The following ZNF385B variants were observed in gnomAD, a reference collection of about 807,000 sequenced individuals.
ZNF385B encodes zinc finger protein 385B.
In ZNF385B, 23 loss-of-function variants were observed where a neutral mutation model predicts 39.2. The ratio of observed to expected loss-of-function variants is 0.59; its 90% CI spans 0.42 to 0.83. The LOEUF is 0.83. Among genes scored for constraint, ZNF385B ranks in the 40% least tolerant of loss-of-function variants. The probability of loss-of-function intolerance (pLI) is 0.00; values close to 1 mark genes in which losing one functional copy is unlikely to be tolerated. For synonymous variants in ZNF385B, 205 were observed against 222.6 expected, an observed-to-expected ratio of 0.92 and a Z score of 0.70; for missense variants, 552 against 598.9, an observed-to-expected ratio of 0.92 and a Z score of 0.82.
intron 1 of ZNF385B, among the ~76,000 whole-genome samples, chr2:179,846,593 C>T (rs1328606883): frequency 6.6e-6 from 1 of 152,180 alleles, no homozygotes; most frequent in Non-Finnish European, 1.5e-5. Context: ...GGCATGCTTC[C>T]CCTCTACAGG....
At chr2:179,450,868 A>G (rs2105583119) in intron 6 of ZNF385B, among the ~76,000 whole-genome samples, 1 of 152,268 alleles carries the variant, frequency 6.6e-6, no homozygotes, top group East Asian at 1.9e-4. Flanking sequence ...CAACAATGAT[A>G]GACTGGATTA....
intron 3 of ZNF385B, among the ~76,000 whole-genome samples, chr2:179,592,905 T>C (rs924128121): frequency 2.0e-5 from 3 of 152,166 alleles, no homozygotes; most frequent in Admixed American, 1.3e-4. Flanking sequence ...AAGTACATTA[T>C]AAGGGAATGT....
At chr2:179,618,575 T>C (rs1023248241) in intron 3 of ZNF385B, among the ~76,000 whole-genome samples, 1 of 152,204 alleles carries the variant, frequency 6.6e-6, no homozygotes, top group Admixed American at 6.5e-5. Context: ...TTTTTCATTT[T>C]GCCATCTTCC....
chr2:179,838,596 A>C (rs1448954759), intron 1 of ZNF385B, among the ~76,000 whole-genome samples: 4 of 152,184 alleles, frequency 2.6e-5, no homozygotes, highest in African/African-American at 9.7e-5. Flanking sequence ...GCCATTTCCA[A>C]AACAAGATTC....
At chr2:179,736,609 T>C (rs1377897003) in intron 3 of ZNF385B, among the ~76,000 whole-genome samples, 1 of 152,210 alleles carries the variant, frequency 6.6e-6, no homozygotes, top group Admixed American at 6.5e-5. Flanking sequence ...AAGCTACTTC[T>C]TGAGCTTTTA....
intron 3 of ZNF385B, among the ~76,000 whole-genome samples, chr2:179,750,501 A>T (rs541462512): frequency 7.1e-4 from 108 of 152,246 alleles, no homozygotes; most frequent in African/African-American, 2.5e-3. Flanking sequence ...AAGTACTACA[A>T]GTGAGAGACA....
At chr2:179,801,787 C>T (rs1201945973) in intron 1 of ZNF385B, among the ~76,000 whole-genome samples, 1 of 152,090 alleles carries the variant, frequency 6.6e-6, no homozygotes, top group African/African-American at 2.4e-5. Context: ...AATCACAGCA[C>T]TGTGGAGGAA....
At chr2:179,670,477 G>A (rs986437128) in intron 3 of ZNF385B, among the ~76,000 whole-genome samples, 6 of 82,524 alleles carry the variant, frequency 7.3e-5, no homozygotes, top group Non-Finnish European at 1.2e-4. Flanking sequence ...GCAGTAGAAC[G>A]TAAAAACAAA....
At chr2:179,801,006 G>T (rs1396570905) in intron 1 of ZNF385B, among the ~76,000 whole-genome samples, 3 of 151,898 alleles carry the variant, frequency 2.0e-5, no homozygotes, top group Admixed American at 2.0e-4. Context: ...GTCACCTCAG[G>T]GTTGGTATGT....
intron 3 of ZNF385B, among the ~76,000 whole-genome samples, chr2:179,707,104 G>T (rs1236005851): frequency 6.6e-6 from 1 of 152,220 alleles, no homozygotes; most frequent in African/African-American, 2.4e-5. Flanking sequence ...GATAAAAGCT[G>T]ATCAGCTGCA....
Position 179,445,660 on chromosome 2 carries a change from C to G in ZNF385B, c.1030G>C (p.Gly344Arg). The change falls in exon 8 of 10, where the codon GGA becomes CGA. Residue 344 changes from glycine to arginine, a missense_variant. Gly to Arg is a moderately radical substitution (Grantham distance 125). Transcript: ENST00000410066. ...CCATTCTGCATCTTTAATCTTGATC[C>G]AGGTCTAGGATAGGATTTAATTGGA... The part of the protein sequence containing the change: ...AGPIKSYPRP[G>R]SRLKMQNGSK... The G allele has an allele frequency of 6.2e-7, 1 of 1,614,026 alleles. No individual in the cohort carries two copies. The highest frequency in any genetic ancestry group is 8.5e-7 in the Non-Finnish European group (1 of 1,179,970).
At chr2:179,511,399 A>C (rs2057672004) in intron 5 of ZNF385B, among the ~76,000 whole-genome samples, 1 of 152,188 alleles carries the variant, frequency 6.6e-6, no homozygotes, top group Admixed American at 6.6e-5. Context: ...TTAACTGCTA[A>C]AGAAACCAGG....
At chr2:179,562,154 G>A (rs1256100724) in intron 3 of ZNF385B, among the ~76,000 whole-genome samples, 1 of 152,154 alleles carries the variant, frequency 6.6e-6, no homozygotes, top group Non-Finnish European at 1.5e-5. Context: ...AAAGAAATGT[G>A]GGAAATCAGT....
intron 3 of ZNF385B, among the ~76,000 whole-genome samples, chr2:179,572,725 A>C (rs1685371012): frequency 6.6e-6 from 1 of 152,114 alleles, no homozygotes; most frequent in East Asian, 1.9e-4. Flanking sequence ...CTTTGACCTG[A>C]AAACCCCTCC....
chr2:179,520,627 A>ATC (rs1374274974), intron 4 of ZNF385B, among the ~76,000 whole-genome samples: 26 of 152,336 alleles, frequency 1.7e-4, no homozygotes, highest in African/African-American at 6.0e-4. Flanking sequence ...TTAAAAATAA[A>ATC]ACAGGCTAAC....
At chr2:179,811,947 A>C (rs1362512500) in intron 1 of ZNF385B, among the ~76,000 whole-genome samples, 4 of 152,154 alleles carry the variant, frequency 2.6e-5, no homozygotes, top group African/African-American at 7.2e-5. Context: ...TTAATTGAAC[A>C]AGCAAAAAAC....
intron 3 of ZNF385B, among the ~76,000 whole-genome samples, chr2:179,571,936 C>A (rs1290278879): frequency 6.6e-6 from 1 of 152,034 alleles, no homozygotes; most frequent in Non-Finnish European, 1.5e-5. Context: ...AAGTTGATGC[C>A]CTAATGGCCC....
At chr2:179,849,053 G>A (rs762557415) in intron 1 of ZNF385B, among the ~76,000 whole-genome samples, 6 of 152,124 alleles carry the variant, frequency 3.9e-5, no homozygotes, top group Non-Finnish European at 7.3e-5. Context: ...GGAATCTTCA[G>A]TTTAAATATG....
At chr2:179,777,813 C>T (rs1353549197) in intron 1 of ZNF385B, among the ~76,000 whole-genome samples, 1 of 149,140 alleles carries the variant, frequency 6.7e-6, no homozygotes, top group Admixed American at 6.7e-5. Context: ...TGCTCCGCTG[C>T]CCAGGCTGGC....
Sources: gnomAD v4.1 joint callset for allele counts (sites outside exome capture counted in the v4.1 genomes callset) on GRCh38, gnomAD v4.1.1 for gene constraint, MANE v1.5 for transcripts, NCBI Gene and HGNC (gene_info 2026-07-23, HGNC 2026-07-21) for gene names.